LMX1B: variants seen among roughly 807,000 people sequenced by gnomAD.
LMX1B encodes the protein LIM homeobox transcription factor 1 beta.
Under a neutral mutation model 51.4 loss-of-function variants are expected in LMX1B, and 12 were observed. That is an observed-to-expected ratio of 0.23 (90% confidence interval 0.15 to 0.38). The LOEUF is 0.38. Ranked by LOEUF, LMX1B falls within the 10% of genes least tolerant of loss-of-function variation. LMX1B has a pLI of 1.00. For missense variants in LMX1B, 445 were observed against 571.1 expected, an observed-to-expected ratio of 0.78 and a Z score of 2.25; for synonymous variants, 237 against 235.4, an observed-to-expected ratio of 1.01 and a Z score of -0.06.
In LMX1B at chr9:126,696,016, A is replaced by ACGGGGG; in HGVS notation, c.1051+14_1051+15insGGGGGC. The ACGGGGG allele has an allele frequency of 3.3e-6, 5 of 1,512,688 alleles. No homozygotes were observed. Among genetic ancestry groups the ACGGGGG allele is most frequent in the Non-Finnish European group, 4.4e-6 (5 of 1,131,786 alleles). The allele number at this position is 1,512,688 out of a possible 1,614,324, so 93.7% of individuals were successfully genotyped here. On this transcript the variant is annotated intron_variant, in intron 7 of 7. Transcript: ENST00000373474. ...ATGAACCCCTATGGTAAGCCGCCCTACCCCCACCCGCCCGCCCCAGCACAG... is the reference window on the plus strand; with the variant it reads ...ATGAACCCCTATGGTAAGCCGCCCTACGGGGGCCCCCACCCGCCCGCCCCAGCACAG...
At chr9:126,653,761 C>A (rs575251957) in intron 2 of LMX1B, among the ~76,000 whole-genome samples, 17 of 152,140 alleles carry the variant, frequency 1.1e-4, no homozygotes, top group Non-Finnish European at 2.2e-4. Flanking sequence ...CCTTCATCCC[C>A]AGCCCCCTGG....
chr9:126,646,248 A>G (rs1835897377), intron 2 of LMX1B, among the ~76,000 whole-genome samples: 2 of 152,178 alleles, frequency 1.3e-5, no homozygotes, highest in South Asian at 4.1e-4. Context: ...CTAAAAAAGC[A>G]GGAAGGTGTG....
At chr9:126,627,206 C>T (rs1366626996) in intron 2 of LMX1B, among the ~76,000 whole-genome samples, 1 of 152,116 alleles carries the variant, frequency 6.6e-6, no homozygotes, top group Non-Finnish European at 1.5e-5. Flanking sequence ...CTCCCCGTGG[C>T]CGGGTTACCC....
chr9:126,617,181 G>A (rs2118828506), intron 2 of LMX1B, among the ~76,000 whole-genome samples: 2 of 152,196 alleles, frequency 1.3e-5, no homozygotes, highest in South Asian at 4.2e-4. Context: ...GTGGGCTCTG[G>A]GCTGGCTAGA....
intron 2 of LMX1B, among the ~76,000 whole-genome samples, chr9:126,674,438 A>G (rs1461835762): frequency 6.6e-6 from 1 of 152,200 alleles, no homozygotes; most frequent in African/African-American, 2.4e-5. Context: ...AAGTGTGAAC[A>G]GGCAGAGATG....
chr9:126,639,990 A>C (rs1835778556), intron 2 of LMX1B, among the ~76,000 whole-genome samples: 1 of 152,228 alleles, frequency 6.6e-6, no homozygotes, highest in South Asian at 2.1e-4. Flanking sequence ...ATGGCGCTCA[A>C]ATGCTATGGG....
intron 2 of LMX1B, among the ~76,000 whole-genome samples, chr9:126,644,384 G>A (rs1483824889): frequency 6.6e-6 from 1 of 152,160 alleles, no homozygotes; most frequent in Non-Finnish European, 1.5e-5. Flanking sequence ...GAGGATGGTG[G>A]AGTCAGGCTC....
At chr9:126,621,943 C>T (rs570206263) in intron 2 of LMX1B, among the ~76,000 whole-genome samples, 83 of 152,140 alleles carry the variant, frequency 5.5e-4, no homozygotes, top group Non-Finnish European at 7.9e-4. Context: ...TCCTCTCTGC[C>T]CTTTACCTTT....
At chr9:126,633,704 C>T (rs1835668921) in intron 2 of LMX1B, among the ~76,000 whole-genome samples, 2 of 152,206 alleles carry the variant, frequency 1.3e-5, no homozygotes, top group South Asian at 2.1e-4. Context: ...ACTACCCACT[C>T]CTGACATGGT....
At chr9:126,656,742 T>G (rs1836123989) in intron 2 of LMX1B, among the ~76,000 whole-genome samples, 1 of 152,212 alleles carries the variant, frequency 6.6e-6, no homozygotes, top group African/African-American at 2.4e-5. Flanking sequence ...CAGGTTGATG[T>G]GGTGGGTCAG....
intron 2 of LMX1B, among the ~76,000 whole-genome samples, chr9:126,659,023 GTCTGCCGAGGTATCC>G (rs1160091493): frequency 6.6e-6 from 1 of 152,218 alleles, no homozygotes; most frequent in Non-Finnish European, 1.5e-5. Context: ...TGGGGCTGGG[GTCTGCCGAGGTATCC>G]TCTCCTTCAT....
intron 2 of LMX1B, among the ~76,000 whole-genome samples, chr9:126,668,782 C>G (rs769603151): frequency 6.6e-6 from 1 of 152,174 alleles, no homozygotes. Flanking sequence ...CCACATCTTT[C>G]AGACCCCAAA....
chr9:126,650,033 C>T (rs1564154839), intron 2 of LMX1B, among the ~76,000 whole-genome samples: 2 of 152,332 alleles, frequency 1.3e-5, no homozygotes, highest in East Asian at 1.9e-4. Flanking sequence ...TGAGAATGTT[C>T]CTTCTTCCCC....
chr9:126,638,515 G>A (rs1564151346), intron 2 of LMX1B, among the ~76,000 whole-genome samples: 1 of 152,238 alleles, frequency 6.6e-6, no homozygotes, highest in Non-Finnish European at 1.5e-5. Flanking sequence ...CAAAGGGAGA[G>A]GAGGGAAGAG....
intron 3 of LMX1B, among the ~76,000 whole-genome samples, chr9:126,692,672 T>C (rs927618112): frequency 6.6e-6 from 1 of 152,264 alleles, no homozygotes; most frequent in African/African-American, 2.4e-5. Context: ...AGAAGCACTC[T>C]TGTGTGAATA....
At chr9:126,634,607 C>CT (rs1356209175) in intron 2 of LMX1B, among the ~76,000 whole-genome samples, 5 of 152,030 alleles carry the variant, frequency 3.3e-5, no homozygotes, top group Non-Finnish European at 5.9e-5. Flanking sequence ...TGCACACCCC[C>CT]CCCACAATGC....
rs552391631 is a variant in LMX1B at position 126,663,677 on chromosome 9, T to C, written c.327-27159T>C. Reference sequence around the variant, plus strand: ...ACATTAATGCCTGCCTCCATTGTTATCACCATTTCAATTTGTTTTGGTTGA... The same window carrying C: ...ACATTAATGCCTGCCTCCATTGTTACCACCATTTCAATTTGTTTTGGTTGA... On this transcript the variant is annotated intron_variant, in intron 2 of 7. Coordinates refer to ENST00000373474, the MANE Select transcript of LMX1B (RefSeq NM_001174147.2). 1.4e-3 allele frequency among the ~76,000 whole-genome samples: 215 copies of C among 152,362 alleles called. 1 individual carries two copies. Among genetic ancestry groups the C allele is most frequent in the Non-Finnish European group, 2.7e-3 (185 of 68,030 alleles).
chr9:126,693,730 T>C lies in LMX1B; in HGVS notation c.820-16T>C. On this transcript the variant is annotated splice_polypyrimidine_tract_variant and intron_variant, in intron 5 of 7. Coordinates refer to ENST00000373474, the MANE Select transcript of LMX1B (RefSeq NM_001174147.2). ...GGCGAGGGGCAGCACCGGCCTGAACTGCGCTCTCCCTGCAGATGAAGAAGC... is the reference window on the plus strand; with the variant it reads ...GGCGAGGGGCAGCACCGGCCTGAACCGCGCTCTCCCTGCAGATGAAGAAGC... 1 of 1,565,406 alleles carries C rather than the reference T, an allele frequency of 6.4e-7. No homozygotes were observed. The highest frequency in any genetic ancestry group is 8.6e-7 in the Non-Finnish European group (1 of 1,156,146).
In LMX1B at chr9:126,695,471, G is replaced by T. The variant is rs1282532211; in HGVS notation, c.887-368G>T. Reference sequence around the variant, plus strand: ...TAGTTCTTTAAGTCACATCAGGGCGGGGGCCCTTTCCTCCAGGAAGTCTTC... The same window carrying T: ...TAGTTCTTTAAGTCACATCAGGGCGTGGGCCCTTTCCTCCAGGAAGTCTTC... On this transcript the variant is annotated intron_variant, in intron 6 of 7. Transcript: ENST00000373474. This position sits in a 1 kb window ranked among gnomAD's most constrained non-coding sequence, Gnocchi z 5.2. 1.1e-5 allele frequency among the ~76,000 whole-genome samples: 1 copy of T among 89,790 alleles called. No homozygotes were observed. Among genetic ancestry groups the T allele is most frequent in the Non-Finnish European group, 3.2e-5 (1 of 31,428 alleles). The allele number at this position is 89,790 out of a possible 152,430, so 58.9% of individuals were successfully genotyped here.
Sources: allele counts gnomAD v4.1 joint callset (sites outside exome capture counted in the v4.1 genomes callset), GRCh38; gene constraint gnomAD v4.1.1; non-coding constraint Gnocchi (gnomAD v3.1); transcripts MANE v1.5; gene names NCBI Gene and HGNC (gene_info 2026-07-23, HGNC 2026-07-21).